Variants in GLT8D2 observed in about 807,000 individuals in gnomAD.
GLT8D2 encodes the protein glycosyltransferase 8 domain containing 2, also known as glycosyltransferase 8 domain-containing protein 2.
GLT8D2 carries 45 observed loss-of-function variants against 44.5 expected under a neutral mutation model. The ratio of observed to expected loss-of-function variants is 1.01; its 90% CI spans 0.80 to 1.30. The LOEUF (loss-of-function observed/expected upper bound fraction) is 1.30. Among genes scored for constraint, GLT8D2 ranks in the 50% most tolerant of loss-of-function variants. GLT8D2 has a pLI of 0.00. For missense variants in GLT8D2, 400 were observed against 430.4 expected (o/e 0.93, Z 0.62); for synonymous variants, 156 against 157.2 (o/e 0.99, Z 0.06).
chr12:104,057,867 G>A (rs1298523225), intron 1 of GLT8D2, among the ~76,000 whole-genome samples: 1 of 151,982 alleles, frequency 6.6e-6, no homozygotes, highest in Non-Finnish European at 1.5e-5. Context: ...TTCAGCACTA[G>A]ATGGTGCTGA....
chr12:103,995,287 C>A (rs896452858), intron 8 of GLT8D2, among the ~76,000 whole-genome samples: 1 of 152,188 alleles, frequency 6.6e-6, no homozygotes, highest in Non-Finnish European at 1.5e-5. Context: ...CCTAAAATGG[C>A]CTGCCATACC....
intron 1 of GLT8D2, among the ~76,000 whole-genome samples, chr12:104,027,965 C>T (rs1238283943): frequency 6.6e-6 from 1 of 152,170 alleles, no homozygotes; most frequent in African/African-American, 2.4e-5. Flanking sequence ...CAATGCTGGT[C>T]AGCTCTTTCC....
chr12:104,032,466 C>CAAAAAAAAAAAAAAAAAAAAAAA (rs547392677), intron 1 of GLT8D2, among the ~76,000 whole-genome samples: 3 of 59,664 alleles, frequency 5.0e-5, no homozygotes, highest in Non-Finnish European at 7.1e-5. Flanking sequence ...TGTGCAATAG[C>CAAAAAAAAAAAAAAAAAAAAAAA]AAAAAAAAAA....
intron 1 of GLT8D2, among the ~76,000 whole-genome samples, chr12:104,033,804 GTGTATA>G (rs1879620873): frequency 1.5e-5 from 1 of 66,924 alleles, no homozygotes; most frequent in Non-Finnish European, 2.8e-5. Flanking sequence ...GTGTGTGTGT[GTGTATA>G]TATATATATA....
intron 3 of GLT8D2, among the ~76,000 whole-genome samples, chr12:104,016,755 GAA>G (rs1566199533): frequency 9.9e-6 from 1 of 100,624 alleles, no homozygotes; most frequent in Non-Finnish European, 2.1e-5. Context: ...AAGAAAGAAA[GAA>G]AGAAAGAAAG....
At position 104,021,752 on chromosome 12, in the gene GLT8D2, C is replaced by A. The variant is rs888005870; in HGVS notation, c.-163-261G>T. Among the ~76,000 whole-genome samples, 15 of 149,952 alleles carry A rather than the reference C, an allele frequency of 1.0e-4. No individual in the cohort carries two copies. The East Asian group carries it at 2.7e-3, about 27-fold the overall frequency. ...TGCAGTGAGCCATGGCTGCTGCACTCCAGCTGGGAGACAGAGCAAAACCCT... is the reference window on the plus strand; with the variant it reads ...TGCAGTGAGCCATGGCTGCTGCACTACAGCTGGGAGACAGAGCAAAACCCT... On this transcript the variant is annotated intron_variant, in intron 1 of 10. Transcript: ENST00000360814.
At chr12:104,028,528 A>G (rs570563578) in intron 1 of GLT8D2, among the ~76,000 whole-genome samples, 1 of 152,298 alleles carries the variant, frequency 6.6e-6, no homozygotes, top group South Asian at 2.1e-4. Flanking sequence ...TGGGCCTTGG[A>G]GTCAGACCAC....
intron 10 of GLT8D2, among the ~76,000 whole-genome samples, chr12:103,991,380 G>A (rs1477312842): frequency 6.6e-6 from 1 of 152,060 alleles, no homozygotes; most frequent in Non-Finnish European, 1.5e-5. Context: ...TAGAGATGGG[G>A]TTTCACCATG....
chr12:104,037,880 A>T (rs1386728004), intron 1 of GLT8D2, among the ~76,000 whole-genome samples: 1 of 152,200 alleles, frequency 6.6e-6, no homozygotes, highest in African/African-American at 2.4e-5. Context: ...TATGAACATC[A>T]GTGCGAAATC....
At chr12:104,036,626 T>C (rs1474204626) in intron 1 of GLT8D2, among the ~76,000 whole-genome samples, 1 of 152,224 alleles carries the variant, frequency 6.6e-6, no homozygotes, top group African/African-American at 2.4e-5. Context: ...CCTAAGTATA[T>C]ATGCACCCAA....
intron 1 of GLT8D2, among the ~76,000 whole-genome samples, chr12:104,060,531 T>A (rs1385071211): frequency 6.6e-6 from 1 of 152,198 alleles, no homozygotes; most frequent in Non-Finnish European, 1.5e-5. Flanking sequence ...TACCTATGAA[T>A]ATGACTTTAT....
At position 104,021,879 on chromosome 12, in the gene GLT8D2, GA is replaced by G; in HGVS notation, c.-163-389del. Among the ~76,000 whole-genome samples the G allele has an allele frequency of 2.3e-4, 4 of 17,116 alleles. No individual in the cohort carries two copies. In the Admixed American group the frequency reaches 2.8e-3, roughly 12 times the overall value. The allele number at this position is 17,116 out of a possible 152,430, so 11.2% of individuals were successfully genotyped here. A position where few individuals can be genotyped will look rare whatever the true frequency, so the allele number is the denominator to read the frequency against. On this transcript the variant is annotated intron_variant, in intron 1 of 10. Coordinates refer to ENST00000360814, the MANE Select transcript of GLT8D2 (RefSeq NM_001384711.1). Reference sequence around the variant, plus strand: ...GAAGGAGAAGAAGAAAGAAGAAGAAGAAGAAGAAGAAGAAGAAGAAGAAGAA... The same window carrying G: ...GAAGGAGAAGAAGAAAGAAGAAGAAGAGAAGAAGAAGAAGAAGAAGAAGAA...
At chr12:104,059,260 A>C (rs1190829299) in intron 1 of GLT8D2, among the ~76,000 whole-genome samples, 1 of 152,188 alleles carries the variant, frequency 6.6e-6, no homozygotes, top group African/African-American at 2.4e-5. Flanking sequence ...CATGGACTTC[A>C]GGATCCATCT....
At chr12:104,031,634 C>T in intron 1 of GLT8D2, 1 of 1,217,674 alleles carries the variant, frequency 8.2e-7, no homozygotes. Flanking sequence ...ACACTGACCA[C>T]ATCTGTAGAC....
At chr12:104,052,451 C>T (rs146109872), upstream of GLT8D2, among the ~76,000 whole-genome samples, 908 of 152,322 alleles carry the variant, frequency 6.0e-3, 7 homozygotes, top group Non-Finnish European at 0.011. Context: ...GTTCCCAAAG[C>T]AAGTTAGCGA....
At chr12:104,050,818 CT>C (rs34098361), upstream of GLT8D2, among the ~76,000 whole-genome samples, 18 of 144,360 alleles carry the variant, frequency 1.2e-4, no homozygotes, top group Admixed American at 2.8e-4. Flanking sequence ...TGTAATTTTA[CT>C]TTTTTTTTTT....
chr12:104,010,286 G>A (rs968245664), intron 4 of GLT8D2, among the ~76,000 whole-genome samples: 3 of 152,094 alleles, frequency 2.0e-5, no homozygotes, highest in East Asian at 3.9e-4. Flanking sequence ...CAAAGCCCTC[G>A]TGGTTCCCTG....
In GLT8D2 at chr12:104,022,070, GAAAGAAAAAA is replaced by G. The variant is rs1205160988; in HGVS notation, c.-163-589_-163-580del. 2.0e-3 allele frequency among the ~76,000 whole-genome samples: 201 copies of G among 100,896 alleles called. 12 individuals are homozygous for G. Among genetic ancestry groups the G allele is most frequent in the African/African-American group, 7.0e-3 (186 of 26,456 alleles). 66.2% of individuals were successfully genotyped at this position (100,896 alleles called of 152,430 possible). A position where few individuals can be genotyped will look rare whatever the true frequency, so the allele number is the denominator to read the frequency against. The stretch of plus-strand genomic sequence containing the variant: ...AAGAAGAAGAAGGGAAAGAAAGAAA[GAAAGAAAAAA>G]AAAGAAAGAAAGAAAGAAGAAAAGA... On this transcript the variant is annotated intron_variant, in intron 1 of 10. Coordinates refer to ENST00000360814, the MANE Select transcript of GLT8D2 (RefSeq NM_001384711.1).
chr12:104,008,092 G>A (rs749316904), intron 4 of GLT8D2, among the ~76,000 whole-genome samples: 142 of 152,302 alleles, frequency 9.3e-4, no homozygotes, highest in Non-Finnish European at 1.6e-3. Context: ...CAGTAGAGTG[G>A]GACGTTGTTG....
Sources: gnomAD v4.1 joint callset for allele counts (sites outside exome capture counted in the v4.1 genomes callset) on GRCh38, gnomAD v4.1.1 for gene constraint, MANE v1.5 for transcripts, NCBI Gene and HGNC (gene_info 2026-07-23, HGNC 2026-07-21) for gene names.